The following CC2D2A variants were observed in gnomAD, a reference collection of about 807,000 sequenced individuals.
CC2D2A encodes coiled-coil and C2 domain-containing protein 2A.
Under a neutral mutation model 212.9 loss-of-function variants are expected in CC2D2A, and 155 were observed. That is an observed-to-expected ratio of 0.73 (90% CI 0.64 to 0.83). CC2D2A has a LOEUF of 0.83. Among genes scored for constraint, CC2D2A ranks in the 40% least tolerant of loss-of-function variants. The pLI is 0.00. For synonymous variants in CC2D2A, 667 were observed against 686.5 expected (o/e 0.97, Z 0.44); for missense variants, 1,856 against 1,956.2 (o/e 0.95, Z 0.97).
intron 28 of CC2D2A, 103 bp from the exon 29 acceptor site, chr4:15,574,047 C>A: frequency 1.1e-6 from 1 of 942,170 alleles, no homozygotes; most frequent in Non-Finnish European, 1.6e-6. Flanking sequence ...CCAGTCTGAG[C>A]AATTTTGGTT....
intron 32 of CC2D2A, among the ~76,000 whole-genome samples, chr4:15,588,918 A>T (rs914113464): frequency 1.3e-5 from 2 of 151,760 alleles, no homozygotes; most frequent in African/African-American, 2.4e-5. Flanking sequence ...AATAAATAAT[A>T]AAAAAATTCT....
chr4:15,542,280 C>T (rs998246653), intron 17 of CC2D2A, among the ~76,000 whole-genome samples: 3 of 152,138 alleles, frequency 2.0e-5, no homozygotes, highest in East Asian at 1.9e-4. Flanking sequence ...CTTGTTCTTT[C>T]GGTGACTCTT....
intron 4 of CC2D2A, chr4:15,482,106 C>T (rs1238442678): frequency 1.5e-5 from 15 of 985,272 alleles, no homozygotes; most frequent in Non-Finnish European, 1.8e-5. Context: ...AATTGTTAGA[C>T]TGTTTTCCCT....
rs1716895298 is a variant in CC2D2A, at chr4:15,516,703, G to A, written c.1096G>A (p.Val366Ile). The change falls in exon 11 of 37, where the codon GTA becomes ATA. Residue 366 changes from valine to isoleucine, a missense_variant. Physicochemically the swap from Val to Ile is conservative, Grantham distance 29. Coordinates refer to ENST00000424120, the MANE Select transcript of CC2D2A (RefSeq NM_001378615.1). ...PIKPFPSRPP[V>I]LTQEQSIKAE... Reference sequence around the variant, plus strand: ...CAAGCCATTTCCTTCAAGGCCGCCAGTACTAACACAGGAGCAGAGCATTAA... The same window carrying A: ...CAAGCCATTTCCTTCAAGGCCGCCAATACTAACACAGGAGCAGAGCATTAA... 3 of 1,613,518 alleles carry A rather than the reference G, an allele frequency of 1.9e-6. No homozygotes were observed. Among genetic ancestry groups the A allele is most frequent in the South Asian group, 1.1e-5 (1 of 90,942 alleles).
In CC2D2A at chr4:15,599,527, A is replaced by G. The variant is rs1553845569; in HGVS notation, c.4497-2A>G. 1 of 1,532,600 alleles carries G rather than the reference A, an allele frequency of 6.5e-7. No homozygotes were observed. Among genetic ancestry groups the G allele is most frequent in the Non-Finnish European group, 8.8e-7 (1 of 1,131,998 alleles). The allele number at this position is 1,532,600 out of a possible 1,614,324, so 94.9% of individuals were successfully genotyped here. Reference sequence around the variant, plus strand: ...AAAATGGAATTTATGTTTTGTGAACAGGATTGAAAAAATACTAAAAGAAAA... The same window carrying G: ...AAAATGGAATTTATGTTTTGTGAACGGGATTGAAAAAATACTAAAAGAAAA... On this transcript the variant is annotated splice_acceptor_variant, in intron 35 of 36. Transcript: ENST00000424120. LOFTEE classifies it high-confidence loss of function.
At chr4:15,511,578 A>G (rs1007760162) in intron 8 of CC2D2A, 155 bp downstream of exon 8, 5 of 608,188 alleles carry the variant, frequency 8.2e-6, no homozygotes, top group Non-Finnish European at 1.3e-5. Flanking sequence ...CTGAATTCAC[A>G]TGGCTCCCTG....
Position 15,491,003 on chromosome 4 carries a change from G to A in CC2D2A, c.247+10176G>A, listed in dbSNP as rs142968858. Among the ~76,000 whole-genome samples the A allele has an allele frequency of 8.8e-3, 1,336 of 152,154 alleles. 13 individuals are homozygous for A. The highest frequency in any genetic ancestry group is 0.031 in the African/African-American group (1,270 of 41,516). ...TAAAAGGGATAGGAATTGCTCACTC[G>A]GGGAGCTCAGTTGTTGGAGATGTGA... On this transcript the variant is annotated intron_variant, in intron 4 of 36. Transcript: ENST00000424120.
chr4:15,585,840 T>C (rs1720835590), intron 30 of CC2D2A, among the ~76,000 whole-genome samples: 1 of 152,108 alleles, frequency 6.6e-6, no homozygotes, highest in Non-Finnish European at 1.5e-5. Context: ...CTTTCAAGAC[T>C]GGGCCAAGTG....
Position 15,533,197 on chromosome 4 carries a change from A to G in CC2D2A, c.1471A>G (p.Thr491Ala). The part of the protein sequence containing the change: ...INEYKSEIRQ[T>A]RKFRDAEQEK... ...ATGTGTTATTATATCTTGCAGACAA[A>G]CAAGAAAATTCCGTGATGCTGAACA... Residue 491 changes from threonine (T) to alanine (A), a missense_variant, in exon 14 of 37, where the codon ACA becomes GCA. Physicochemically the swap from Thr to Ala is moderately conservative, Grantham distance 58. Transcript: ENST00000424120. The G allele has an allele frequency of 6.3e-7, 1 of 1,578,752 alleles. No individual in the cohort carries two copies. The highest frequency in any genetic ancestry group is 2.3e-5 in the East Asian group (1 of 43,876).
intron 11 of CC2D2A, among the ~76,000 whole-genome samples, chr4:15,521,502 A>G (rs1221134399): frequency 6.6e-6 from 1 of 152,190 alleles, no homozygotes; most frequent in East Asian, 1.9e-4. Flanking sequence ...TTAAATGCCT[A>G]CAGCCTCTAT....
chr4:15,470,689 CTATA>C (rs199958992), intron 1 of CC2D2A, among the ~76,000 whole-genome samples: 416 of 50,272 alleles, frequency 8.3e-3, no homozygotes, highest in East Asian at 0.014. Flanking sequence ...CTCTCTCTCT[CTATA>C]TATATATATA....
At position 15,516,741 on chromosome 4, in the gene CC2D2A, A is replaced by T; in HGVS notation, c.1134A>T (p.Glu378Asp). The change falls in exon 11 of 37, where the codon GAA (glutamate) becomes GAT (aspartate). Residue 378 changes from glutamate to aspartate, a missense_variant. Glu to Asp is a conservative substitution (Grantham distance 45). Around this residue, in one of 5 missense-constraint regions of CC2D2A, gnomAD observed 1,512 missense variants for 1,579.3 expected, o/e 0.96. Coordinates refer to ENST00000424120, the MANE Select transcript of CC2D2A (RefSeq NM_001378615.1). ...AGCAGAGCATTAAGGCAGAGCTTGA[A>T]ACACTGTATAAAAAGGTAGACACTC... Reference protein sequence around the residue: ...TQEQSIKAELETLYKKAVKYV... With the variant: ...TQEQSIKAELDTLYKKAVKYV... The T allele has an allele frequency of 6.2e-7, 1 of 1,612,358 alleles. No homozygotes were observed. Among genetic ancestry groups the T allele is most frequent in the Non-Finnish European group, 8.5e-7 (1 of 1,179,048 alleles).
chr4:15,591,179 CCTCCTGGG>C (rs986707917), intron 33 of CC2D2A, among the ~76,000 whole-genome samples: 6 of 151,672 alleles, frequency 4.0e-5, no homozygotes, highest in Non-Finnish European at 7.4e-5. Context: ...TTCTTCCCAT[CCTCCTGGG>C]GTATGGACCC....
chr4:15,505,029 GTAATTCCA>G lies in CC2D2A; in HGVS notation c.438+2107_438+2114del, dbSNP rs549950692. On this transcript the variant is annotated intron_variant, in intron 6 of 36. Transcript: ENST00000424120. ...CGCTTCCCGCCTCTATAAAACAGGG[GTAATTCCA>G]GAACCTAGTTCTTGGTATTGTTTTG... is the stretch of plus-strand genomic sequence containing the variant. Among the ~76,000 whole-genome samples, 47 of 152,286 alleles carry G rather than the reference GTAATTCCA, an allele frequency of 3.1e-4. No homozygotes were observed. In the South Asian group the frequency reaches 8.1e-3, roughly 26 times the overall value.
chr4:15,594,985 AT>A lies in CC2D2A; in HGVS notation c.4315-1091del, dbSNP rs111231115. On this transcript the variant is annotated intron_variant, in intron 33 of 36. Transcript: ENST00000424120. ...CTGGCTACTTCTCAAAAAAAAAAAA[AT>A]TTTTTTTTAAGAGATGGGGGGTCTC... Among the ~76,000 whole-genome samples, 595 of 146,990 alleles carry A rather than the reference AT, an allele frequency of 4.0e-3. 2 individuals are homozygous for A. The highest frequency in any genetic ancestry group is 0.014 in the African/African-American group (529 of 37,322).
intron 30 of CC2D2A, among the ~76,000 whole-genome samples, chr4:15,581,247 T>C (rs1426077846): frequency 6.6e-6 from 1 of 152,196 alleles, no homozygotes; most frequent in African/African-American, 2.4e-5. Context: ...ACAATTTTTA[T>C]AGAAAACAAT....
At chr4:15,540,127 C>T (rs998667503) in intron 16 of CC2D2A, among the ~76,000 whole-genome samples, 24 of 151,944 alleles carry the variant, frequency 1.6e-4, no homozygotes, top group African/African-American at 5.1e-4. Context: ...AAACTACCAC[C>T]CCTCCCCCAA....
At chr4:15,584,524 G>A (rs1406118905) in intron 30 of CC2D2A, among the ~76,000 whole-genome samples, 1 of 152,168 alleles carries the variant, frequency 6.6e-6, no homozygotes, top group Non-Finnish European at 1.5e-5. Context: ...TGAATTAAAT[G>A]TAAGAACTGA....
Position 15,601,464 on chromosome 4 carries a change from A to T in CC2D2A, c.*39A>T, listed in dbSNP as rs1266007615. ...ACTTTCTGTATCATGTAAAAACTAC[A>T]CTTAGGATATGAGAAAATTTTAAAT... is the stretch of plus-strand genomic sequence containing the variant. On this transcript the variant is annotated 3_prime_UTR_variant, in exon 37 of 37. Transcript: ENST00000424120. The T allele has an allele frequency of 4.6e-6, 6 of 1,293,998 alleles. No homozygotes were observed. In the South Asian group the frequency reaches 9.8e-5, roughly 21 times the overall value. 80.2% of individuals were successfully genotyped at this position (1,293,998 alleles called of 1,614,324 possible). A position where few individuals can be genotyped will look rare whatever the true frequency, so the allele number is the denominator to read the frequency against.
Sources: gnomAD v4.1 joint callset for allele counts (sites outside exome capture counted in the v4.1 genomes callset) on GRCh38, gnomAD v4.1.1 for gene constraint, gnomAD v4.1.1 regional missense constraint, MANE v1.5 for transcripts, NCBI Gene and HGNC (gene_info 2026-07-23, HGNC 2026-07-21) for gene names.